Variants in DNER observed in about 807,000 individuals in gnomAD.
DNER encodes delta/notch like EGF repeat containing, also known as delta and Notch-like epidermal growth factor-related receptor.
Under a neutral mutation model 78.2 loss-of-function variants are expected in DNER, and 33 were observed. The ratio of observed to expected loss-of-function variants is 0.42; its 90% CI spans 0.32 to 0.56. DNER has a LOEUF of 0.56. Among genes scored for constraint, DNER ranks in the 20% least tolerant of loss-of-function variants. DNER has a pLI of 0.11. For synonymous variants in DNER, 417 were observed against 384.8 expected (o/e 1.08, Z -0.98); for missense variants, 918 against 975.3 (o/e 0.94, Z 0.78).
chr2:229,629,777 A>G (rs1388988192), intron 1 of DNER, among the ~76,000 whole-genome samples: 1 of 152,214 alleles, frequency 6.6e-6, no homozygotes, highest in Admixed American at 6.5e-5. Flanking sequence ...GGCATTCTGA[A>G]TATTTGTCCC....
chr2:229,374,110 G>A (rs1002707632), intron 11 of DNER, among the ~76,000 whole-genome samples: 2 of 152,170 alleles, frequency 1.3e-5, no homozygotes, highest in African/African-American at 4.8e-5. Flanking sequence ...GAAGGGTGCA[G>A]TGAGCTGAGA....
At chr2:229,636,254 G>A (rs1403448657) in intron 1 of DNER, among the ~76,000 whole-genome samples, 1 of 152,190 alleles carries the variant, frequency 6.6e-6, no homozygotes, top group Non-Finnish European at 1.5e-5. Context: ...TCCAACAGCT[G>A]GGCTCAGTCC....
intron 8 of DNER, among the ~76,000 whole-genome samples, chr2:229,425,262 G>A (rs1224433783): frequency 6.6e-6 from 1 of 152,106 alleles, no homozygotes; most frequent in African/African-American, 2.4e-5. Context: ...GAACCTGCCT[G>A]GTGATTTTTG....
intron 5 of DNER, among the ~76,000 whole-genome samples, chr2:229,538,543 G>GTTT (rs372352192): frequency 1.3e-5 from 2 of 150,312 alleles, no homozygotes; most frequent in African/African-American, 4.9e-5. Flanking sequence ...TTTGTTTTTT[G>GTTT]TTTTTTTTTA....
intron 7 of DNER, among the ~76,000 whole-genome samples, chr2:229,466,692 T>C (rs898431262): frequency 6.6e-6 from 1 of 152,248 alleles, no homozygotes; most frequent in African/African-American, 2.4e-5. Flanking sequence ...AAATAGTATG[T>C]GAATTAAGTG....
At chr2:229,413,258 A>C (rs554098457) in intron 9 of DNER, among the ~76,000 whole-genome samples, 2 of 147,716 alleles carry the variant, frequency 1.4e-5, no homozygotes, top group African/African-American at 2.5e-5. Flanking sequence ...GCAGCATTAT[A>C]GTGGGTTTTT....
chr2:229,420,888 C>T (rs1230199103), intron 8 of DNER, among the ~76,000 whole-genome samples: 1 of 152,128 alleles, frequency 6.6e-6, no homozygotes, highest in African/African-American at 2.4e-5. Flanking sequence ...AATAGAACCA[C>T]CACATGATCC....
chr2:229,544,928 C>T (rs986337321), intron 5 of DNER, among the ~76,000 whole-genome samples: 2 of 152,166 alleles, frequency 1.3e-5, no homozygotes, highest in Non-Finnish European at 2.9e-5. Context: ...AAGCTTCTGC[C>T]AATATTCCTT....
intron 4 of DNER, among the ~76,000 whole-genome samples, chr2:229,552,517 C>T (rs1356608051): frequency 6.6e-6 from 1 of 152,170 alleles, no homozygotes; most frequent in Admixed American, 6.5e-5. Context: ...CACCCTCATG[C>T]TGTTCTCCTG....
intron 8 of DNER, among the ~76,000 whole-genome samples, chr2:229,445,559 T>C (rs1340570277): frequency 6.6e-6 from 1 of 152,208 alleles, no homozygotes; most frequent in African/African-American, 2.4e-5. Flanking sequence ...AGACTTTGAA[T>C]GAAGCAGATG....
rs1338915304 is a variant in DNER at position 229,513,451 on chromosome 2, G to A, written c.994-515C>T. Among the ~76,000 whole-genome samples the A allele has an allele frequency of 3.3e-5, 5 of 152,204 alleles. No individual in the cohort carries two copies. The East Asian group carries it at 9.6e-4, about 29-fold the overall frequency. ...GTACAGCCATGCAGATTACCTGAGT[G>A]CAAGGGAAAATAAAAGGAGTATAAT... On this transcript the variant is annotated intron_variant, in intron 5 of 12. Transcript: ENST00000341772.
chr2:229,512,935 G>A lies in DNER; in HGVS notation c.995C>T (p.Ala332Val), dbSNP rs1418731102. 6.2e-7 allele frequency: 1 copy of A among 1,613,438 alleles called. No individual in the cohort carries two copies. Among genetic ancestry groups the A allele is most frequent in the South Asian group, 1.1e-5 (1 of 91,014 alleles). The change falls in exon 6 of 13, where the codon GCA becomes GTA. Residue 332 changes from alanine to valine, a missense_variant and splice_region_variant. Coordinates refer to ENST00000341772, the MANE Select transcript of DNER (RefSeq NM_139072.4). ...KGKCTTKPSE[A>V]TFSCTCEEQY... ...CTCCTCACAGGTACAGGAAAAAGTT[G>A]CCTAAAACACAAAAAAAGCACAGTG...
At chr2:229,478,190 A>G (rs1695077185) in intron 6 of DNER, among the ~76,000 whole-genome samples, 1 of 152,246 alleles carries the variant, frequency 6.6e-6, no homozygotes, top group African/African-American at 2.4e-5. Flanking sequence ...ATTCCTATCA[A>G]AAATTGTGAG....
intron 1 of DNER, among the ~76,000 whole-genome samples, chr2:229,676,667 A>G (rs867623417): frequency 3.0e-4 from 46 of 152,294 alleles, no homozygotes; most frequent in African/African-American, 1.1e-3. Context: ...CTTTTTGCAC[A>G]GTACCTACAG....
chr2:229,540,725 C>T (rs1348659955), intron 5 of DNER, among the ~76,000 whole-genome samples: 2 of 152,312 alleles, frequency 1.3e-5, no homozygotes, highest in Non-Finnish European at 2.9e-5. Context: ...AGTCAGGACT[C>T]GTCAGGGGCC....
chr2:229,682,579 G>A (rs1294825230), intron 1 of DNER, among the ~76,000 whole-genome samples: 1 of 152,180 alleles, frequency 6.6e-6, no homozygotes. Flanking sequence ...CAGGTGCAGT[G>A]GCTCATGTCT....
rs1478640767 is a variant in DNER, at chr2:229,569,192, G to A, written c.847+16666C>T. Among the ~76,000 whole-genome samples, 5 of 152,260 alleles carry A rather than the reference G, an allele frequency of 3.3e-5. No individual in the cohort carries two copies. In the East Asian group the frequency reaches 9.7e-4, roughly 29 times the overall value. ...CAGTATTCACAGGATACTCGTTCCA[G>A]GAACCCCCACAGATACCAAAATCTG... On this transcript the variant is annotated intron_variant, in intron 4 of 12. Coordinates refer to ENST00000341772, the MANE Select transcript of DNER (RefSeq NM_139072.4).
chr2:229,389,848 G>T (rs1280834943), intron 10 of DNER, among the ~76,000 whole-genome samples: 4 of 152,064 alleles, frequency 2.6e-5, no homozygotes, highest in Non-Finnish European at 4.4e-5. Context: ...ATCCTACTAG[G>T]TTGATTATAA....
At chr2:229,450,816 G>A (rs1487878307) in intron 7 of DNER, among the ~76,000 whole-genome samples, 1 of 152,222 alleles carries the variant, frequency 6.6e-6, no homozygotes, top group Admixed American at 6.5e-5. Flanking sequence ...AGAACTAGAA[G>A]TAGATGAACT....
Sources: allele counts gnomAD v4.1 joint callset (sites outside exome capture counted in the v4.1 genomes callset), GRCh38; gene constraint gnomAD v4.1.1; transcripts MANE v1.5; gene names NCBI Gene and HGNC (gene_info 2026-07-23, HGNC 2026-07-21).